Variants in IL17RD observed in about 807,000 individuals in gnomAD.
The protein encoded by IL17RD is interleukin-17 receptor D.
IL17RD carries 52 observed loss-of-function variants against 80.5 expected under a neutral mutation model. The observed-to-expected ratio is 0.65, with a 90% confidence interval of 0.52 to 0.81. IL17RD has a LOEUF of 0.81. Ranked by LOEUF, IL17RD falls within the 40% of genes least tolerant of loss-of-function variation. IL17RD has a pLI of 0.00. For missense variants in IL17RD, 1,024 were observed against 955.1 expected, an observed-to-expected ratio of 1.07 and a Z score of -0.95; for synonymous variants, 416 against 391.8, an observed-to-expected ratio of 1.06 and a Z score of -0.73.
chr3:57,160,281 A>G (rs2060294790), intron 1 of IL17RD, among the ~76,000 whole-genome samples: 1 of 151,972 alleles, frequency 6.6e-6, no homozygotes, highest in South Asian at 2.1e-4. Context: ...TCAGGGACAG[A>G]GGAAGAAAAA....
chr3:57,127,255 T>A lies in IL17RD; in HGVS notation c.127-6942A>T, dbSNP rs1212484207. On this transcript the variant is annotated intron_variant, in intron 1 of 12. Coordinates refer to ENST00000296318, the MANE Select transcript of IL17RD (RefSeq NM_017563.5). ...AAAAATATATAAATATATATATAAA[T>A]ATATATAAATATATATAAAAATATA... Among the ~76,000 whole-genome samples the A allele has an allele frequency of 5.3e-4, 50 of 94,768 alleles. 4 individuals are homozygous for A. The East Asian group carries it at 0.011, about 20-fold the overall frequency. 62.2% of individuals were successfully genotyped at this position (94,768 alleles called of 152,430 possible). A position where few individuals can be genotyped will look rare whatever the true frequency, so the allele number is the denominator to read the frequency against.
rs2107451964 is a variant in IL17RD, at chr3:57,091,264, A to G, written c.*5129T>C. ...AAGGTAAGAGCTGGTCTCAGAGTAT[A>G]CATCAGGAATAAGCACCAAGTGTTT... On this transcript the variant is annotated 3_prime_UTR_variant, in exon 13 of 13. Coordinates refer to ENST00000296318, the MANE Select transcript of IL17RD (RefSeq NM_017563.5). 1 of 152,782 alleles carries G rather than the reference A, an allele frequency of 6.5e-6. No individual in the cohort carries two copies. The highest frequency in any genetic ancestry group is 1.9e-4 in the East Asian group (1 of 5,194). The allele number at this position is 152,782 out of a possible 1,614,324, so 9.5% of individuals were successfully genotyped here. A position where few individuals can be genotyped will look rare whatever the true frequency, so the allele number is the denominator to read the frequency against.
At chr3:57,120,058 G>A (rs527841535) in intron 2 of IL17RD, among the ~76,000 whole-genome samples, 198 bp downstream of exon 2, 110 of 152,294 alleles carry the variant, frequency 7.2e-4, no homozygotes, top group Admixed American at 3.9e-3. Context: ...GAACACTATG[G>A]AAGACACTTG....
chr3:57,105,276 G>A (rs1706928083), intron 7 of IL17RD, among the ~76,000 whole-genome samples: 2 of 151,978 alleles, frequency 1.3e-5, no homozygotes, highest in South Asian at 4.2e-4. Flanking sequence ...GGTGGCTCAG[G>A]CCTGTAATCC....
At chr3:57,131,049 A>G (rs1190407988) in intron 1 of IL17RD, among the ~76,000 whole-genome samples, 1 of 152,216 alleles carries the variant, frequency 6.6e-6, no homozygotes, top group Non-Finnish European at 1.5e-5. Flanking sequence ...CCGGGGGGCA[A>G]TCACCGGCTG....
chr3:57,112,678 A>G (rs921287520), intron 3 of IL17RD, among the ~76,000 whole-genome samples: 2 of 152,218 alleles, frequency 1.3e-5, no homozygotes, highest in African/African-American at 4.8e-5. Context: ...TTAAGATAAT[A>G]TTATTTTTGG....
intron 5 of IL17RD, among the ~76,000 whole-genome samples, chr3:57,109,065 T>C (rs1317774284): frequency 6.6e-6 from 1 of 152,180 alleles, no homozygotes; most frequent in Non-Finnish European, 1.5e-5. Context: ...TACCTAACCT[T>C]AATTCTAAAA....
intron 3 of IL17RD, among the ~76,000 whole-genome samples, chr3:57,114,087 G>A (rs572429651): frequency 1.8e-4 from 28 of 151,978 alleles, no homozygotes; most frequent in Middle Eastern, 3.4e-3. Flanking sequence ...GGGCAGCTGA[G>A]GCAGGAGAAT....
At chr3:57,167,906 C>T (rs1056016614), upstream of IL17RD, among the ~76,000 whole-genome samples, 45 of 152,194 alleles carry the variant, frequency 3.0e-4, no homozygotes, top group Non-Finnish European at 2.9e-5. Flanking sequence ...TCTTGGCTCA[C>T]TGCAACCTCC....
rs79416924 is a variant in IL17RD, at chr3:57,118,387, G to T, written c.184+1869C>A. On this transcript the variant is annotated intron_variant, in intron 2 of 12. Coordinates refer to ENST00000296318, the MANE Select transcript of IL17RD (RefSeq NM_017563.5). ...ATCTTAAAATTGTTAGATTGTAACC[G>T]CAACTTTTACAATCCTGCTTTAGCA... 5.8e-3 allele frequency among the ~76,000 whole-genome samples: 887 copies of T among 152,264 alleles called. 7 individuals carry two copies. The highest frequency in any genetic ancestry group is 0.02 in the African/African-American group (834 of 41,532).
chr3:57,170,033 A>G (rs2060362623), upstream of IL17RD, among the ~76,000 whole-genome samples: 1 of 152,204 alleles, frequency 6.6e-6, no homozygotes, highest in Non-Finnish European at 1.5e-5. Context: ...CTGGGACGAA[A>G]GGCCCCAGAC....
In IL17RD at chr3:57,106,152, A is replaced by G; in HGVS notation, c.553T>C (p.Cys185Arg). The G allele has an allele frequency of 6.2e-7, 1 of 1,609,606 alleles. No individual in the cohort carries two copies. The highest frequency in any genetic ancestry group is 8.5e-7 in the Non-Finnish European group (1 of 1,176,690). The change falls in exon 6 of 13, where the codon TGT becomes CGT. Residue 185 changes from cysteine (C) to arginine (R), a missense_variant and splice_region_variant. Coordinates refer to ENST00000296318, the MANE Select transcript of IL17RD (RefSeq NM_017563.5). ...YHPFFFRTRA[C>R]DLLLQPDNLA... Reference sequence around the variant, plus strand: ...TTGTCCGGCTGTAACAACAGGTCACAGGCTATTAAGAGAATAAAGATACAT... The same window carrying G: ...TTGTCCGGCTGTAACAACAGGTCACGGGCTATTAAGAGAATAAAGATACAT...
chr3:57,166,942 C>T (rs575169716), upstream of IL17RD, among the ~76,000 whole-genome samples: 178 of 152,310 alleles, frequency 1.2e-3, 1 homozygote, highest in African/African-American at 4.2e-3. Context: ...CACCACCCTG[C>T]CCACACGTCC....
In IL17RD at chr3:57,091,278, C is replaced by T. The variant is rs1241631222; in HGVS notation, c.*5115G>A. Reference sequence around the variant, plus strand: ...TCTCAGAGTATACATCAGGAATAAGCACCAAGTGTTTGATCTCAGGAGGAA... The same window carrying T: ...TCTCAGAGTATACATCAGGAATAAGTACCAAGTGTTTGATCTCAGGAGGAA... On this transcript the variant is annotated 3_prime_UTR_variant, in exon 13 of 13. Coordinates refer to ENST00000296318, the MANE Select transcript of IL17RD (RefSeq NM_017563.5). 3 of 152,560 alleles carry T rather than the reference C, an allele frequency of 2.0e-5. No individual in the cohort carries two copies. The highest frequency in any genetic ancestry group is 2.9e-5 in the Non-Finnish European group (2 of 68,026). The allele number at this position is 152,560 out of a possible 1,614,324, so 9.5% of individuals were successfully genotyped here. A position where few individuals can be genotyped will look rare whatever the true frequency, so the allele number is the denominator to read the frequency against.
Position 57,154,248 on chromosome 3 carries a change from C to CA in IL17RD, c.126+10912dup, listed in dbSNP as rs1040316143. On this transcript the variant is annotated intron_variant, in intron 1 of 12. Transcript: ENST00000296318. ...TGAGTGACAGAGTGAGACCTTGTCT[C>CA]AAAAAAAAAAATTATATATATATAT... Among the ~76,000 whole-genome samples the CA allele has an allele frequency of 3.5e-4, 44 of 125,934 alleles. No individual in the cohort carries two copies. The East Asian group carries it at 5.7e-3, about 16-fold the overall frequency. 82.6% of individuals were successfully genotyped at this position (125,934 alleles called of 152,430 possible).
chr3:57,133,892 A>T (rs569368606), intron 1 of IL17RD, among the ~76,000 whole-genome samples: 1 of 152,342 alleles, frequency 6.6e-6, no homozygotes, highest in South Asian at 2.1e-4. Flanking sequence ...AAAGAAATCA[A>T]TGTATCTTGC....
intron 10 of IL17RD, 140 bp from the exon 11 acceptor site, chr3:57,101,503 C>G: frequency 3.5e-6 from 2 of 565,334 alleles, no homozygotes; most frequent in East Asian, 2.8e-5. Flanking sequence ...TCAGCCCCCT[C>G]TGATCATCAC....
rs1307156786 is a variant in IL17RD at position 57,096,415 on chromosome 3, A to T, written c.2198T>A (p.Leu733His). Residue 733 changes from leucine to histidine, a missense_variant, in exon 13 of 13, where the codon CTC becomes CAC. Transcript: ENST00000296318. ...DLGCRSYTDE[L>H]HAVAPL ...TTGTTACAAAGGGGCGACCGCGTGG[A>T]GTTCATCAGTGTAGCTGCGGCAACC... is the stretch of plus-strand genomic sequence containing the variant. 3.1e-6 allele frequency: 5 copies of T among 1,613,626 alleles called. No individual in the cohort carries two copies. In the South Asian group the frequency reaches 5.5e-5, roughly 18 times the overall value.
intron 1 of IL17RD, among the ~76,000 whole-genome samples, chr3:57,122,740 C>CTT (rs754491969): frequency 0.17 from 20,343 of 116,960 alleles, 2,178 homozygotes; most frequent in East Asian, 0.36. Context: ...CCTCAACTGT[C>CTT]TTTTTTTTTT....
Sources: gnomAD v4.1 joint callset for allele counts (sites outside exome capture counted in the v4.1 genomes callset) on GRCh38, gnomAD v4.1.1 for gene constraint, MANE v1.5 for transcripts, NCBI Gene and HGNC (gene_info 2026-07-23, HGNC 2026-07-21) for gene names.